PCDHA13: variants seen among roughly 807,000 people sequenced by gnomAD.
PCDHA13 encodes protocadherin alpha-13.
In PCDHA13, 54 loss-of-function variants were observed where a neutral mutation model predicts 64.8. The ratio of observed to expected loss-of-function variants is 0.83; its 90% CI spans 0.67 to 1.04. The LOEUF (loss-of-function observed/expected upper bound fraction) is 1.04, where lower values mean the gene tolerates loss of function less well. PCDHA13 is among the 50% of genes least tolerant of loss of function. The probability of loss-of-function intolerance (pLI) is 0.00; values close to 1 mark genes in which losing one functional copy is unlikely to be tolerated. For missense variants in PCDHA13, 1,248 were observed against 1,254.3 expected (o/e 0.99, Z 0.08); for synonymous variants, 587 against 564.4 (o/e 1.04, Z -0.57).
intron 3 of PCDHA13, among the ~76,000 whole-genome samples, chr5:141,002,672 C>A (rs1301536253): frequency 6.6e-6 from 1 of 152,292 alleles, no homozygotes; most frequent in African/African-American, 2.4e-5. Context: ...AGGACCAAAA[C>A]CTATACGACG....
chr5:141,006,974 G>A (rs782657772), intron 3 of PCDHA13, among the ~76,000 whole-genome samples: 6 of 152,174 alleles, frequency 3.9e-5, no homozygotes, highest in Admixed American at 3.9e-4. Context: ...GGAGCACAGA[G>A]AGATGTGGGC....
In PCDHA13 at chr5:140,929,084, T is replaced by C; in HGVS notation, c.2394+44422T>C. On this transcript the variant is annotated intron_variant, in intron 1 of 3. Transcript: ENST00000289272. ...GAGGATCTGAGGTATGGAAGTAAGATGGTTTCAAATCCTTGCATGACATCA... is the reference window on the plus strand; with the variant it reads ...GAGGATCTGAGGTATGGAAGTAAGACGGTTTCAAATCCTTGCATGACATCA... The C allele has an allele frequency of 1.9e-6, 3 of 1,614,160 alleles. No individual in the cohort carries two copies. The South Asian group carries it at 3.3e-5, about 18-fold the overall frequency.
intron 1 of PCDHA13, among the ~76,000 whole-genome samples, chr5:140,904,512 C>T (rs1251570223): frequency 5.9e-5 from 9 of 151,738 alleles, no homozygotes; most frequent in Admixed American, 3.3e-4. Flanking sequence ...GTGAATTGTG[C>T]TGCTATAAAC....
chr5:140,942,266 T>A (rs2093257794), intron 1 of PCDHA13, among the ~76,000 whole-genome samples: 1 of 152,134 alleles, frequency 6.6e-6, no homozygotes, highest in South Asian at 2.1e-4. Flanking sequence ...TATCTAAAGC[T>A]GGTAATGGTG....
chr5:140,998,438 A>T (rs114296649), intron 3 of PCDHA13, among the ~76,000 whole-genome samples: 1,585 of 152,188 alleles, frequency 0.01, 12 homozygotes, highest in Middle Eastern at 0.058. Flanking sequence ...TAACACTATT[A>T]TTGTATTTAT....
At chr5:140,973,858 C>G (rs1277402007) in intron 1 of PCDHA13, among the ~76,000 whole-genome samples, 1 of 152,156 alleles carries the variant, frequency 6.6e-6, no homozygotes, top group Non-Finnish European at 1.5e-5. Flanking sequence ...AATTTTTGCT[C>G]TCAATGAGAG....
intron 1 of PCDHA13, chr5:140,968,530 A>G (rs1554230830): frequency 6.2e-7 from 1 of 1,614,174 alleles, no homozygotes; most frequent in East Asian, 2.2e-5. Context: ...CCAACTCGTC[A>G]GCAGCCTTCG....
chr5:140,919,601 A>G (rs1465882979), intron 1 of PCDHA13, among the ~76,000 whole-genome samples: 1 of 152,178 alleles, frequency 6.6e-6, no homozygotes, highest in Non-Finnish European at 1.5e-5. Context: ...TTTAAAATAA[A>G]TTTTAAACTG....
At chr5:140,978,587 T>C (rs1260706970) in intron 1 of PCDHA13, among the ~76,000 whole-genome samples, 5 of 152,250 alleles carry the variant, frequency 3.3e-5, no homozygotes, top group Admixed American at 6.5e-5. Context: ...GAATGTTCCC[T>C]TAATGGGGCA....
chr5:140,938,268 T>C (rs2091998417), intron 1 of PCDHA13, among the ~76,000 whole-genome samples: 1 of 152,190 alleles, frequency 6.6e-6, no homozygotes, highest in Non-Finnish European at 1.5e-5. Context: ...TCTAATCACA[T>C]AGTTTTCTTG....
chr5:140,927,904 C>T, intron 1 of PCDHA13: 5 of 1,614,202 alleles, frequency 3.1e-6, no homozygotes, highest in Non-Finnish European at 4.2e-6. Flanking sequence ...CGATCATGCC[C>T]CCGAACTGGA....
At chr5:140,987,211 C>T (rs1190567678) in intron 3 of PCDHA13, among the ~76,000 whole-genome samples, 2 of 145,072 alleles carry the variant, frequency 1.4e-5, no homozygotes, top group Non-Finnish European at 3.0e-5. Flanking sequence ...GAGACTCCAT[C>T]TCAAAAAAAA....
At chr5:140,978,922 C>A (rs569091265) in intron 1 of PCDHA13, 27 bp from the exon 2 acceptor site, 7 of 1,613,966 alleles carry the variant, frequency 4.3e-6, no homozygotes, top group Non-Finnish European at 5.1e-6. Context: ...GTCATTTTAA[C>A]AGAAAACTCT....
At chr5:140,978,763 A>G (rs932766044) in intron 1 of PCDHA13, among the ~76,000 whole-genome samples, 186 bp from the exon 2 acceptor site, 11 of 152,258 alleles carry the variant, frequency 7.2e-5, no homozygotes, top group Non-Finnish European at 1.3e-4. Flanking sequence ...GAGGACCCTG[A>G]TGAACTAATT....
rs1041924506 is a variant in PCDHA13 at position 140,932,800 on chromosome 5, C to T, written c.2395-46149C>T. ...GAGTGGACATAAGAGAAAAGCAATA[C>T]CTTGGAAACATATAAGTGGGAAAGT... On this transcript the variant is annotated intron_variant, in intron 1 of 3. Coordinates refer to ENST00000289272, the MANE Select transcript of PCDHA13 (RefSeq NM_018904.3). Among the ~76,000 whole-genome samples the T allele has an allele frequency of 2.6e-5, 4 of 151,684 alleles. No homozygotes were observed. The East Asian group carries it at 5.8e-4, about 22-fold the overall frequency.
intron 1 of PCDHA13, among the ~76,000 whole-genome samples, chr5:140,886,563 C>CA (rs1344648100): frequency 6.6e-6 from 1 of 152,024 alleles, no homozygotes. Context: ...CACGGTGGCT[C>CA]ACGCCTGTAA....
intron 1 of PCDHA13, among the ~76,000 whole-genome samples, chr5:140,964,886 T>C (rs529789945): frequency 6.6e-6 from 1 of 152,306 alleles, no homozygotes; most frequent in South Asian, 2.1e-4. Context: ...GCAGCAGTGA[T>C]AGGAGGCTGG....
rs199571672 is a variant in PCDHA13 at position 140,994,794 on chromosome 5, T to C, written c.2542+12231T>C. On this transcript the variant is annotated intron_variant, in intron 3 of 3. Transcript: ENST00000289272. The stretch of plus-strand genomic sequence containing the variant: ...CCAGGCAAAGGAAACAATGCGTGCA[T>C]GCAAAAACAAAATACAAAAAACTGA... Among the ~76,000 whole-genome samples the C allele has an allele frequency of 7.2e-5, 11 of 152,270 alleles. No individual in the cohort carries two copies. The East Asian group carries it at 2.1e-3, about 29-fold the overall frequency.
At chr5:140,959,886 G>A (rs1171381497) in intron 1 of PCDHA13, among the ~76,000 whole-genome samples, 1 of 152,194 alleles carries the variant, frequency 6.6e-6, no homozygotes, top group Non-Finnish European at 1.5e-5. Flanking sequence ...GAATACACGA[G>A]TGGGATTTAT....
Sources: gnomAD v4.1 joint callset for allele counts (sites outside exome capture counted in the v4.1 genomes callset) on GRCh38, gnomAD v4.1.1 for gene constraint, MANE v1.5 for transcripts, NCBI Gene and HGNC (gene_info 2026-07-23, HGNC 2026-07-21) for gene names.